Variants in PRKAG2 observed in about 807,000 individuals in gnomAD.
PRKAG2 encodes protein kinase AMP-activated non-catalytic subunit gamma 2.
A neutral mutation model predicts 69.6 loss-of-function variants in PRKAG2; 26 were observed. That is an observed-to-expected ratio of 0.37 (90% confidence interval 0.27 to 0.52). The LOEUF is 0.52. Among genes scored for constraint, PRKAG2 ranks in the 20% least tolerant of loss-of-function variants. The pLI is 0.90. For synonymous variants in PRKAG2, 293 were observed against 285.0 expected (o/e 1.03, Z -0.28); for missense variants, 557 against 740.0 (o/e 0.75, Z 2.87).
chr7:151,840,775 C>G (rs774403521), intron 1 of PRKAG2, among the ~76,000 whole-genome samples: 1 of 152,230 alleles, frequency 6.6e-6, no homozygotes, highest in Non-Finnish European at 1.5e-5. Flanking sequence ...GGGTTTACAC[C>G]GGAGCGAGGA....
At chr7:151,582,784 C>T (rs188603165) in intron 6 of PRKAG2, among the ~76,000 whole-genome samples, 41 of 152,342 alleles carry the variant, frequency 2.7e-4, no homozygotes, top group Non-Finnish European at 4.9e-4. Flanking sequence ...GGCTTTCTCG[C>T]GGGCTCCTTG....
chr7:151,782,380 A>AGGGAGG (rs1563663670), intron 2 of PRKAG2, among the ~76,000 whole-genome samples: 17 of 61,704 alleles, frequency 2.8e-4, no homozygotes, highest in Admixed American at 3.4e-4. Flanking sequence ...AGGGAAGGAA[A>AGGGAGG]GAAGGAAGGA....
At chr7:151,582,365 C>A (rs1414377263) in intron 6 of PRKAG2, among the ~76,000 whole-genome samples, 1 of 152,102 alleles carries the variant, frequency 6.6e-6, no homozygotes, top group African/African-American at 2.4e-5. Flanking sequence ...GTTGCCCATG[C>A]TGGTTTGAAC....
At chr7:151,627,099 G>C (rs961974058) in intron 5 of PRKAG2, among the ~76,000 whole-genome samples, 1 of 152,134 alleles carries the variant, frequency 6.6e-6, no homozygotes, top group African/African-American at 2.4e-5. Context: ...ATCACCAAGT[G>C]CCGGCCCCCT....
At chr7:151,657,541 A>G (rs966356227) in intron 4 of PRKAG2, among the ~76,000 whole-genome samples, 6 of 152,222 alleles carry the variant, frequency 3.9e-5, no homozygotes, top group Non-Finnish European at 8.8e-5. Flanking sequence ...TATCTCAATC[A>G]TTTACTAGTC....
chr7:151,640,737 C>A (rs1169637726), intron 4 of PRKAG2, among the ~76,000 whole-genome samples: 1 of 152,130 alleles, frequency 6.6e-6, no homozygotes, highest in Non-Finnish European at 1.5e-5. Flanking sequence ...TCTCTGAACC[C>A]ACATGCTTCC....
At chr7:151,779,858 C>T (rs1184756583) in intron 3 of PRKAG2, among the ~76,000 whole-genome samples, 1 of 152,174 alleles carries the variant, frequency 6.6e-6, no homozygotes, top group African/African-American at 2.4e-5. Flanking sequence ...GGCCTGATTT[C>T]CTTCCTCTGT....
chr7:151,732,376 C>T (rs1199411185), intron 3 of PRKAG2, among the ~76,000 whole-genome samples: 1 of 152,064 alleles, frequency 6.6e-6, no homozygotes, highest in African/African-American at 2.4e-5. Context: ...TGGACTCAAA[C>T]GAGCCACGTA....
intron 3 of PRKAG2, among the ~76,000 whole-genome samples, chr7:151,692,671 T>C (rs1370295518): frequency 6.6e-6 from 1 of 152,074 alleles, no homozygotes; most frequent in African/African-American, 2.4e-5. Flanking sequence ...GTCTCTGCAA[T>C]GGGGGAAGCA....
intron 5 of PRKAG2, among the ~76,000 whole-genome samples, chr7:151,613,744 C>T (rs1004094199): frequency 2.1e-5 from 3 of 145,348 alleles, no homozygotes; most frequent in African/African-American, 7.7e-5. Context: ...GTGATCTGCC[C>T]AGCTTGGCCT....
At chr7:151,628,526 A>G (rs73478088) in intron 5 of PRKAG2, among the ~76,000 whole-genome samples, 19,078 of 152,128 alleles carry the variant, frequency 0.13, 1,381 homozygotes, top group African/African-American at 0.17. Context: ...CAGCTTGGCC[A>G]TCATAGTGAA....
At chr7:151,840,012 G>A (rs1012432941) in intron 1 of PRKAG2, among the ~76,000 whole-genome samples, 1 of 152,212 alleles carries the variant, frequency 6.6e-6, no homozygotes, top group African/African-American at 2.4e-5. Context: ...AAAGAGAGTG[G>A]GGGCTGGAGC....
In PRKAG2 at chr7:151,674,919, TC is replaced by T. The variant is rs1053568235; in HGVS notation, c.684+500del. 8.0e-4 allele frequency: 142 copies of T among 177,462 alleles called. 2 individuals carry two copies. The highest frequency in any genetic ancestry group is 7.1e-4 in the Non-Finnish European group (59 of 82,884). 11.0% of individuals were successfully genotyped at this position (177,462 alleles called of 1,614,324 possible). A position where few individuals can be genotyped will look rare whatever the true frequency, so the allele number is the denominator to read the frequency against. ...AGATGTTACCATTTTTCATTTTGTT[TC>T]TTTTTTTCTTTTTTTTTTCAGACAG... On this transcript the variant is annotated intron_variant, in intron 4 of 15. Transcript: ENST00000287878.
chr7:151,643,140 T>A (rs903911674), intron 4 of PRKAG2, among the ~76,000 whole-genome samples: 1 of 152,234 alleles, frequency 6.6e-6, no homozygotes, highest in Non-Finnish European at 1.5e-5. Flanking sequence ...TATTTTATTA[T>A]TAGCTTTGTG....
chr7:151,787,696 A>G (rs2077084067), intron 1 of PRKAG2, among the ~76,000 whole-genome samples: 1 of 152,196 alleles, frequency 6.6e-6, no homozygotes, highest in South Asian at 2.1e-4. Flanking sequence ...TTCCCACCAA[A>G]AAAAATCTAT....
At chr7:151,761,724 G>A (rs765653182) in intron 3 of PRKAG2, among the ~76,000 whole-genome samples, 1 of 152,158 alleles carries the variant, frequency 6.6e-6, no homozygotes, top group Non-Finnish European at 1.5e-5. Context: ...TGGTCTCAGT[G>A]GATTGAGTTT....
chr7:151,621,177 A>G (rs960160811), intron 5 of PRKAG2, among the ~76,000 whole-genome samples: 3 of 152,218 alleles, frequency 2.0e-5, no homozygotes, highest in South Asian at 2.1e-4. Context: ...TTTGTGTGCT[A>G]TCTTCCTCTG....
At chr7:151,713,740 C>A (rs1292721630) in intron 3 of PRKAG2, among the ~76,000 whole-genome samples, 2 of 151,984 alleles carry the variant, frequency 1.3e-5, no homozygotes, top group Non-Finnish European at 2.9e-5. Context: ...CCACCACACC[C>A]AGTTAATTTT....
intron 5 of PRKAG2, among the ~76,000 whole-genome samples, chr7:151,615,996 G>GT (rs1231114429): frequency 9.2e-5 from 14 of 152,264 alleles, no homozygotes; most frequent in Admixed American, 7.2e-4. Flanking sequence ...ACAGAAGAGA[G>GT]TAACTGCTCA....
Sources: allele counts gnomAD v4.1 joint callset (sites outside exome capture counted in the v4.1 genomes callset), GRCh38; gene constraint gnomAD v4.1.1; transcripts MANE v1.5; gene names NCBI Gene and HGNC (gene_info 2026-07-23, HGNC 2026-07-21).